TLE6: variants seen among roughly 807,000 people sequenced by gnomAD.
TLE6 encodes the protein transducin-like enhancer protein 6.
In TLE6, 72 loss-of-function variants were observed where a neutral mutation model predicts 77.1. That is an observed-to-expected ratio of 0.93 (90% CI 0.77 to 1.14). TLE6 has a LOEUF of 1.14. TLE6 is among the 50% of genes most tolerant of loss of function. TLE6 has a pLI of 0.00. For synonymous variants in TLE6, 366 were observed against 287.3 expected, an observed-to-expected ratio of 1.27 and a Z score of -2.77; for missense variants, 843 against 747.6, an observed-to-expected ratio of 1.13 and a Z score of -1.49.
At position 2,993,466 on chromosome 19, in the gene TLE6, G is replaced by C. The variant is rs762182832; in HGVS notation, c.1421G>C (p.Trp474Ser). 3.7e-6 allele frequency: 6 copies of C among 1,603,460 alleles called. No individual in the cohort carries two copies. The highest frequency in any genetic ancestry group is 1.7e-4 in the Middle Eastern group (1 of 6,028). ...MSLSHSPQED[W>S]VLLGMANGQQ... ...CTGTCCCACAGCCCCCAGGAGGACT[G>C]GGTGCTGCTGGGCATGGCCAATGGC... The change falls in exon 15 of 17, where the codon TGG becomes TCG. Residue 474 changes from tryptophan to serine, a missense_variant. Transcript: ENST00000246112.
chr19:2,991,973 T>C lies in TLE6; in HGVS notation c.1375T>C (p.Phe459Leu). 1 of 1,613,730 alleles carries C rather than the reference T, an allele frequency of 6.2e-7. No homozygotes were observed. The highest frequency in any genetic ancestry group is 2.2e-5 in the East Asian group (1 of 44,856). ...RTIMKPLEYQFKSQIMSLSHS... is the reference protein window; with the variant it reads ...RTIMKPLEYQLKSQIMSLSHS... Reference sequence around the variant, plus strand: ...CATCATGAAACCTCTGGAGTACCAATTCAAGTCTCAGGTGCGGAGGCCGGG... The same window carrying C: ...CATCATGAAACCTCTGGAGTACCAACTCAAGTCTCAGGTGCGGAGGCCGGG... The change falls in exon 14 of 17, where the codon TTC becomes CTC. Residue 459 changes from phenylalanine to leucine, a missense_variant. Coordinates refer to ENST00000246112, the MANE Select transcript of TLE6 (RefSeq NM_001143986.2).
chr19:2,986,071 C>CAAAAAAAAAAAA (rs547031586), intron 5 of TLE6, among the ~76,000 whole-genome samples: 4 of 41,274 alleles, frequency 9.7e-5, no homozygotes, highest in Non-Finnish European at 2.0e-4. Flanking sequence ...GAGACTGTCT[C>CAAAAAAAAAAAA]AAAAAAAAAA....
chr19:2,994,919 T>A lies in TLE6; in HGVS notation c.1634T>A (p.Val545Asp), dbSNP rs1370807070. The change falls in exon 17 of 17, where the codon GTC (valine) becomes GAC (aspartate). Residue 545 changes from valine (V) to aspartate (D), a missense_variant. Transcript: ENST00000246112. ...KVFEVPEMSP[V>D]TCCDVSSNNR... ...CTCCAGGTGCCTGAGATGTCTCCAG[T>A]CACGTGCTGTGACGTCTCTTCCAAC... 1 of 1,602,118 alleles carries A rather than the reference T, an allele frequency of 6.2e-7. No homozygotes were observed. Among genetic ancestry groups the A allele is most frequent in the Non-Finnish European group, 8.5e-7 (1 of 1,174,508 alleles).
At chr19:2,994,541 C>T (rs573519668) in intron 16 of TLE6, among the ~76,000 whole-genome samples, 96 of 151,866 alleles carry the variant, frequency 6.3e-4, no homozygotes, top group South Asian at 2.7e-3. Context: ...GCCAGGGAGG[C>T]GGAGCTTGCA....
chr19:2,991,425 CAT>C lies in TLE6; in HGVS notation c.1245-410_1245-409del, dbSNP rs1555686317. Among the ~76,000 whole-genome samples, 131 of 135,546 alleles carry C rather than the reference CAT, an allele frequency of 9.7e-4. 2 individuals carry two copies. Among genetic ancestry groups the C allele is most frequent in the African/African-American group, 3.3e-3 (117 of 35,080 alleles). 88.9% of individuals were successfully genotyped at this position (135,546 alleles called of 152,430 possible). A position where few individuals can be genotyped will look rare whatever the true frequency, so the allele number is the denominator to read the frequency against. On this transcript the variant is annotated intron_variant, in intron 13 of 16. Coordinates refer to ENST00000246112, the MANE Select transcript of TLE6 (RefSeq NM_001143986.2). ...ACACACACACACACACACACACACA[CAT>C]ATATATAATATATGTATTTATAACA... is the stretch of plus-strand genomic sequence containing the variant.
Position 2,987,769 on chromosome 19 carries a change from C to G in TLE6, c.604C>G (p.Pro202Ala). 6.2e-7 allele frequency: 1 copy of G among 1,614,142 alleles called. No individual in the cohort carries two copies. Among genetic ancestry groups the G allele is most frequent in the Non-Finnish European group, 8.5e-7 (1 of 1,179,974 alleles). ...AGGATCCTGTGACCCAGGAACAGAC[C>G]CATGTCCTGAAGATGCCTCCAGTAA... is the stretch of plus-strand genomic sequence containing the variant. ...APGSCDPGTD[P>A]CPEDASTPRP... The change falls in exon 9 of 17, where the codon CCA becomes GCA. Residue 202 changes from proline (P) to alanine (A), a missense_variant. Coordinates refer to ENST00000246112, the MANE Select transcript of TLE6 (RefSeq NM_001143986.2).
At chr19:2,990,822 G>A (rs1227286795) in intron 13 of TLE6, among the ~76,000 whole-genome samples, 4 of 150,410 alleles carry the variant, frequency 2.7e-5, no homozygotes, top group African/African-American at 4.9e-5. Flanking sequence ...CCAACATGGC[G>A]AAACCCCCTC....
chr19:2,978,433 C>T, intron 2 of TLE6, 149 bp downstream of exon 2: 1 of 745,052 alleles, frequency 1.3e-6, no homozygotes, highest in African/African-American at 1.8e-5. Context: ...AGACAGGTGC[C>T]AAGGAGCCGT....
chr19:2,993,852 G>A (rs551650623), intron 15 of TLE6, among the ~76,000 whole-genome samples, 167 bp from the exon 16 acceptor site: 1 of 147,618 alleles, frequency 6.8e-6, no homozygotes, highest in Admixed American at 6.8e-5. Flanking sequence ...GGGAGGCTGA[G>A]GCCACAGTGA....
At position 2,987,110 on chromosome 19, in the gene TLE6, A is replaced by G; in HGVS notation, c.413A>G (p.Glu138Gly). 6.2e-7 allele frequency: 1 copy of G among 1,614,004 alleles called. No homozygotes were observed. The highest frequency in any genetic ancestry group is 8.5e-7 in the Non-Finnish European group (1 of 1,180,000). ...GACTGGCTCCGGCGGCCTTTGGGGGAGGACAATCAGCCGGAGACCCAGCTG... is the reference window on the plus strand; with the variant it reads ...GACTGGCTCCGGCGGCCTTTGGGGGGGGACAATCAGCCGGAGACCCAGCTG... ...SSDWLRRPLG[E>G]DNQPETQLFW... The change falls in exon 7 of 17, where the codon GAG (glutamate) becomes GGG (glycine). Residue 138 changes from glutamate (E) to glycine (G), a missense_variant. Transcript: ENST00000246112.
chr19:2,981,329 A>C (rs2088793369), intron 3 of TLE6, among the ~76,000 whole-genome samples: 1 of 150,104 alleles, frequency 6.7e-6, no homozygotes, highest in Admixed American at 6.7e-5. Flanking sequence ...CCTGGGTGAC[A>C]AGAGTGAGAC....
chr19:2,994,199 G>A lies in TLE6; in HGVS notation c.1614+104G>A, dbSNP rs965870716. ...CCACAAAAAACTTAAAAAGTAGCCAGGTGTGGTGGCTCACGGCTTTAATCC... is the reference window on the plus strand; with the variant it reads ...CCACAAAAAACTTAAAAAGTAGCCAAGTGTGGTGGCTCACGGCTTTAATCC... On this transcript the variant is annotated intron_variant, in intron 16 of 16. Coordinates refer to ENST00000246112, the MANE Select transcript of TLE6 (RefSeq NM_001143986.2). 19 of 931,050 alleles carry A rather than the reference G, an allele frequency of 2.0e-5. No individual in the cohort carries two copies. In the African/African-American group the frequency reaches 3.1e-4, roughly 15 times the overall value. 57.7% of individuals were successfully genotyped at this position (931,050 alleles called of 1,614,324 possible).
chr19:2,994,349 G>A (rs12984261), intron 16 of TLE6, among the ~76,000 whole-genome samples: 28,834 of 152,048 alleles, frequency 0.19, 4,324 homozygotes, highest in African/African-American at 0.42. Flanking sequence ...GGTGGCTCAC[G>A]CCTGTAATCC....
In TLE6 at chr19:2,991,383, T is replaced by C. The variant is rs1331588493; in HGVS notation, c.1245-460T>C. Among the ~76,000 whole-genome samples, 897 of 103,414 alleles carry C rather than the reference T, an allele frequency of 8.7e-3. 22 individuals are homozygous for C. The highest frequency in any genetic ancestry group is 0.038 in the African/African-American group (773 of 20,428). 67.8% of individuals were successfully genotyped at this position (103,414 alleles called of 152,430 possible). A position where few individuals can be genotyped will look rare whatever the true frequency, so the allele number is the denominator to read the frequency against. ...CAAAAAAAAAAAAAATACGTATATA[T>C]ATATATATATATACACACACACACA... On this transcript the variant is annotated intron_variant, in intron 13 of 16. Transcript: ENST00000246112.
In TLE6 at chr19:2,978,245, G is replaced by A. The variant is rs112057489; in HGVS notation, c.12G>A (p.Arg4=). Residue 4 remains arginine (R), a synonymous_variant, in exon 2 of 17, where the codon AGG becomes AGA. Transcript: ENST00000246112. ...CTACTGCCTTGAAGATGACCTCTAG[G>A]GACCAGCCCAGACCCAAGGGCCCCC... MTS[R]DQPRPKGPPK... is the part of the protein sequence containing the mutation. 5.8e-6 allele frequency: 9 copies of A among 1,551,444 alleles called. No homozygotes were observed. Among genetic ancestry groups the A allele is most frequent in the African/African-American group, 4.1e-5 (3 of 73,120 alleles).
intron 4 of TLE6, 138 bp from the exon 5 acceptor site, chr19:2,982,010 A>G (rs943967352): frequency 2.5e-6 from 2 of 807,154 alleles, no homozygotes; most frequent in Non-Finnish European, 4.1e-6. Context: ...GTAGTAAGAA[A>G]GTAAAAGAGA....
In TLE6 at chr19:2,988,106, G is replaced by A; in HGVS notation, c.718G>A (p.Ala240Thr). ...WGVVQEPPGR[A>T]SRFLQSISWD... ...CCGCCTGCAGGAGCCTCCTGGAAGA[G>A]CCTCTCGGTTTCTACAGTCCATGTA... Residue 240 changes from alanine (A) to threonine (T), a missense_variant, in exon 11 of 17, where the codon GCC becomes ACC. Coordinates refer to ENST00000246112, the MANE Select transcript of TLE6 (RefSeq NM_001143986.2). 6.4e-7 allele frequency: 1 copy of A among 1,552,084 alleles called. No individual in the cohort carries two copies. Among genetic ancestry groups the A allele is most frequent in the South Asian group, 1.2e-5 (1 of 84,160 alleles).
chr19:2,992,018 G>T (rs2089079256), intron 14 of TLE6, 34 bp downstream of exon 14: 2 of 1,607,148 alleles, frequency 1.2e-6, no homozygotes, highest in Non-Finnish European at 1.7e-6. Flanking sequence ...GCTTGGCCAG[G>T]CATCCTCTGG....
In TLE6 at chr19:2,987,989, C is replaced by T. The variant is rs373454998; in HGVS notation, c.702+15C>T. 1.2e-4 allele frequency: 198 copies of T among 1,606,868 alleles called. 1 individual carries two copies. The highest frequency in any genetic ancestry group is 8.3e-4 in the Middle Eastern group (5 of 6,050). On this transcript the variant is annotated intron_variant, in intron 10 of 16. Coordinates refer to ENST00000246112, the MANE Select transcript of TLE6 (RefSeq NM_001143986.2). ...GTGTGGTCCAGGTGAGACCCAGGCC[C>T]GAGCTGGTAGCCCAGCGTGAAGGCT...
Sources: allele counts gnomAD v4.1 joint callset (sites outside exome capture counted in the v4.1 genomes callset), GRCh38; gene constraint gnomAD v4.1.1; transcripts MANE v1.5; gene names NCBI Gene and HGNC (gene_info 2026-07-23, HGNC 2026-07-21).